The following FGF11 variants were observed in gnomAD, a reference collection of about 807,000 sequenced individuals.
FGF11 encodes fibroblast growth factor 11, also known as fibroblast growth factor homologous factor 3.
In FGF11, 25 loss-of-function variants were observed where a neutral mutation model predicts 25.1. The observed-to-expected ratio is 1.00, with a 90% CI of 0.73 to 1.39. The LOEUF (loss-of-function observed/expected upper bound fraction) is 1.39. Ranked by LOEUF, FGF11 falls within the 40% of genes most tolerant of loss-of-function variation. The pLI is 0.00. For synonymous variants in FGF11, 130 were observed against 128.9 expected (o/e 1.01, Z -0.06); for missense variants, 320 against 311.0 (o/e 1.03, Z -0.22).
chr17:7,442,742 G>A lies in FGF11; in HGVS notation c.557G>A (p.Arg186Gln), dbSNP rs370094891. 45 of 1,613,906 alleles carry A rather than the reference G, an allele frequency of 2.8e-5. No homozygotes were observed. Among genetic ancestry groups the A allele is most frequent in the Admixed American group, 1.0e-4 (6 of 59,998 alleles). Residue 186 changes from arginine (R) to glutamine (Q), a missense_variant, in exon 4 of 5, where the codon CGA (arginine) becomes CAA (glutamine). Arg to Gln is a conservative substitution (Grantham distance 43). Transcript: ENST00000293829. Reference sequence around the variant, plus strand: ...GAGGGCCAGGTCATGAAGGGAAACCGAGTTAAGAAGACCAAGGCAGCTGCC... The same window carrying A: ...GAGGGCCAGGTCATGAAGGGAAACCAAGTTAAGAAGACCAAGGCAGCTGCC... ...DKEGQVMKGNRVKKTKAAAHF... is the reference protein window; with the variant it reads ...DKEGQVMKGNQVKKTKAAAHF...
At position 7,439,819 on chromosome 17, in the gene FGF11, T is replaced by G; in HGVS notation, c.193+6T>G. On this transcript the variant is annotated splice_donor_region_variant and intron_variant, in intron 1 of 4. Transcript: ENST00000293829. ...GCGGCCGGACCGCGGCCCGGGTGAG[T>G]GCGGCTGGGGCGGGGTCTCCCGGCC... 1 of 1,418,542 alleles carries G rather than the reference T, an allele frequency of 7.0e-7. No individual in the cohort carries two copies. The allele number at this position is 1,418,542 out of a possible 1,614,324, so 87.9% of individuals were successfully genotyped here. A position where few individuals can be genotyped will look rare whatever the true frequency, so the allele number is the denominator to read the frequency against.
In FGF11 at chr17:7,444,744, C is replaced by T; in HGVS notation, c.*1598C>T. ...TTGGATAGGGTAGGCTGAGGGGGCC[C>T]TAAGGGAGGGACTAAGGCTCCAAGG... On this transcript the variant is annotated 3_prime_UTR_variant, in exon 5 of 5. Coordinates refer to ENST00000293829, the MANE Select transcript of FGF11 (RefSeq NM_004112.4). 3.2e-6 allele frequency: 1 copy of T among 314,030 alleles called. No homozygotes were observed. The highest frequency in any genetic ancestry group is 6.1e-6 in the Non-Finnish European group (1 of 164,758). 19.5% of individuals were successfully genotyped at this position (314,030 alleles called of 1,614,324 possible). A position where few individuals can be genotyped will look rare whatever the true frequency, so the allele number is the denominator to read the frequency against.
chr17:7,439,066 G>C (rs1004001172), upstream of FGF11: 1 of 152,132 alleles, frequency 6.6e-6, no homozygotes, highest in Non-Finnish European at 1.5e-5. Context: ...AAAAAAGTGG[G>C]GGATCCCCTC....
rs763304002 is a variant in FGF11 at position 7,442,625 on chromosome 17, A to C, written c.440A>C (p.Glu147Ala). The C allele has an allele frequency of 1.9e-6, 3 of 1,613,834 alleles. No homozygotes were observed. The highest frequency in any genetic ancestry group is 2.5e-6 in the Non-Finnish European group (3 of 1,180,008). Residue 147 changes from glutamate (E) to alanine (A), a missense_variant, in exon 4 of 5, where the codon GAG becomes GCG. Physicochemically the swap from Glu to Ala is moderately radical, Grantham distance 107. Transcript: ENST00000293829. Reference sequence around the variant, plus strand: ...TTCACAGCTGAGTGTCGCTTTAAGGAGTGTGTCTTTGAGAATTACTACGTC... The same window carrying C: ...TTCACAGCTGAGTGTCGCTTTAAGGCGTGTGTCTTTGAGAATTACTACGTC... ...PHFTAECRFK[E>A]CVFENYYVLY...
At chr17:7,439,873 C>T in intron 1 of FGF11, 60 bp downstream of exon 1, 2 of 1,326,906 alleles carry the variant, frequency 1.5e-6, no homozygotes, top group Non-Finnish European at 9.7e-7. Flanking sequence ...GAGATTGAGG[C>T]CAGGGACTCT....
rs1908381464 is a variant in FGF11 at position 7,442,627 on chromosome 17, T to A, written c.442T>A (p.Cys148Ser). 6.2e-7 allele frequency: 1 copy of A among 1,613,886 alleles called. No individual in the cohort carries two copies. The highest frequency in any genetic ancestry group is 1.1e-5 in the South Asian group (1 of 91,076). ...HFTAECRFKE[C>S]VFENYYVLYA... ...CACAGCTGAGTGTCGCTTTAAGGAG[T>A]GTGTCTTTGAGAATTACTACGTCCT... The change falls in exon 4 of 5, where the codon TGT (cysteine) becomes AGT (serine). Residue 148 changes from cysteine to serine, a missense_variant. Cys to Ser is a moderately radical substitution (Grantham distance 112). Coordinates refer to ENST00000293829, the MANE Select transcript of FGF11 (RefSeq NM_004112.4).
rs145080386 is a variant in FGF11 at position 7,443,160 on chromosome 17, G to A, written c.*14G>A. ...CCTGCCCCCTGAAATGTAGTCCCTG[G>A]ACTGGAGGTTCCCTGCACTCCCAGT... On this transcript the variant is annotated 3_prime_UTR_variant, in exon 5 of 5. Coordinates refer to ENST00000293829, the MANE Select transcript of FGF11 (RefSeq NM_004112.4). 2.4e-4 allele frequency: 377 copies of A among 1,551,452 alleles called. 1 individual carries two copies. Among genetic ancestry groups the A allele is most frequent in the Middle Eastern group, 2.4e-3 (14 of 5,868 alleles).
chr17:7,443,938 A>C lies in FGF11; in HGVS notation c.*792A>C, dbSNP rs1016242791. The C allele has an allele frequency of 5.9e-5, 9 of 152,128 alleles. No homozygotes were observed. Among genetic ancestry groups the C allele is most frequent in the African/African-American group, 2.2e-4 (9 of 41,436 alleles). The allele number at this position is 152,128 out of a possible 1,614,324, so 9.4% of individuals were successfully genotyped here. ...ATCATGACTCTCAGCCCTTTTACCCAGGATGGAGCTGGGGCCTGTATAGCC... is the reference window on the plus strand; with the variant it reads ...ATCATGACTCTCAGCCCTTTTACCCCGGATGGAGCTGGGGCCTGTATAGCC... On this transcript the variant is annotated 3_prime_UTR_variant, in exon 5 of 5. Transcript: ENST00000293829.
Position 7,440,915 on chromosome 17 carries a change from G to C in FGF11, c.194-556G>C. The C allele has an allele frequency of 1.0e-6, 1 of 990,446 alleles. No homozygotes were observed. Among genetic ancestry groups the C allele is most frequent in the Non-Finnish European group, 1.2e-6 (1 of 832,788 alleles). The allele number at this position is 990,446 out of a possible 1,614,324, so 61.4% of individuals were successfully genotyped here. ...CCGGGAGCCAGCGGACTGACAGACAGACAGACAGACAGACAGATGGGTCAG... is the reference window on the plus strand; with the variant it reads ...CCGGGAGCCAGCGGACTGACAGACACACAGACAGACAGACAGATGGGTCAG... On this transcript the variant is annotated intron_variant, in intron 1 of 4. Transcript: ENST00000293829. This position sits in a 1 kb window ranked among gnomAD's most constrained non-coding sequence, Gnocchi z 5.4.
At position 7,441,915 on chromosome 17, in the gene FGF11, G is replaced by A. The variant is rs1908348670; in HGVS notation, c.408+36G>A. ...GAGGCTGAGTGGCCGGGAAATACTG[G>A]GGACTCCCCTTCCTCAATTTGTCCC... On this transcript the variant is annotated intron_variant, in intron 3 of 4. Transcript: ENST00000293829. The A allele has an allele frequency of 2.8e-6, 4 of 1,449,412 alleles. No individual in the cohort carries two copies. The African/African-American group carries it at 4.3e-5, about 15-fold the overall frequency. 89.8% of individuals were successfully genotyped at this position (1,449,412 alleles called of 1,614,324 possible). A position where few individuals can be genotyped will look rare whatever the true frequency, so the allele number is the denominator to read the frequency against.
In FGF11 at chr17:7,441,902, C is replaced by T. The variant is rs755663978; in HGVS notation, c.408+23C>T. On this transcript the variant is annotated intron_variant, in intron 3 of 4. Coordinates refer to ENST00000293829, the MANE Select transcript of FGF11 (RefSeq NM_004112.4). ...TCGGTGAGACAATGAGGCTGAGTGG[C>T]CGGGAAATACTGGGGACTCCCCTTC... is the stretch of plus-strand genomic sequence containing the variant. 3 of 1,511,858 alleles carry T rather than the reference C, an allele frequency of 2.0e-6. No individual in the cohort carries two copies. In the East Asian group the frequency reaches 6.8e-5, roughly 34 times the overall value. The allele number at this position is 1,511,858 out of a possible 1,614,324, so 93.7% of individuals were successfully genotyped here. A position where few individuals can be genotyped will look rare whatever the true frequency, so the allele number is the denominator to read the frequency against.
chr17:7,442,800 T>C lies in FGF11; in HGVS notation c.607+8T>C, dbSNP rs1908396203. On this transcript the variant is annotated splice_region_variant and intron_variant, in intron 4 of 4. Coordinates refer to ENST00000293829, the MANE Select transcript of FGF11 (RefSeq NM_004112.4). ...TGCCCAAGCTCCTGGAGGGTGGGTA[T>C]AGACTCAAGAAAATGTGGGCCACAG... 6.2e-7 allele frequency: 1 copy of C among 1,613,638 alleles called. No individual in the cohort carries two copies. Among genetic ancestry groups the C allele is most frequent in the African/African-American group, 1.3e-5 (1 of 74,988 alleles).
At chr17:7,441,017 G>C (rs1357727689) in intron 1 of FGF11, 2 of 926,544 alleles carry the variant, frequency 2.2e-6, no homozygotes, top group African/African-American at 3.5e-5. Context: ...CTGAGTCAGC[G>C]TCAGGCCCAG....
chr17:7,440,499 G>C lies in FGF11; in HGVS notation c.193+686G>C, dbSNP rs572321173. Reference sequence around the variant, plus strand: ...TGGCAGGAACTCAGACACAGTTCACGGCTAGAGATGGGCGCCGACTCGGGG... The same window carrying C: ...TGGCAGGAACTCAGACACAGTTCACCGCTAGAGATGGGCGCCGACTCGGGG... On this transcript the variant is annotated intron_variant, in intron 1 of 4. Transcript: ENST00000293829. This position sits in a 1 kb window ranked among gnomAD's most constrained non-coding sequence, Gnocchi z 5.4. 22 of 219,088 alleles carry C rather than the reference G, an allele frequency of 1.0e-4. No individual in the cohort carries two copies. The South Asian group carries it at 2.3e-3, about 23-fold the overall frequency. 13.6% of individuals were successfully genotyped at this position (219,088 alleles called of 1,614,324 possible).
At chr17:7,442,974 G>T in intron 4 of FGF11, 102 bp from the exon 5 acceptor site, 2 of 1,179,404 alleles carry the variant, frequency 1.7e-6, no homozygotes, top group South Asian at 1.3e-5. Context: ...GGTTCTTGGA[G>T]GGTGAATGTA....
rs558351801 is a variant in FGF11 at position 7,444,117 on chromosome 17, A to G, written c.*971A>G. The G allele has an allele frequency of 6.6e-6, 1 of 152,354 alleles. No homozygotes were observed. The highest frequency in any genetic ancestry group is 1.5e-5 in the Non-Finnish European group (1 of 68,030). The allele number at this position is 152,354 out of a possible 1,614,324, so 9.4% of individuals were successfully genotyped here. A position where few individuals can be genotyped will look rare whatever the true frequency, so the allele number is the denominator to read the frequency against. On this transcript the variant is annotated 3_prime_UTR_variant, in exon 5 of 5. Transcript: ENST00000293829. ...TCTTGTTTTTCCTAGATAATTCTCTAAAAATATGATTCTTCCATATAGAAT... is the reference window on the plus strand; with the variant it reads ...TCTTGTTTTTCCTAGATAATTCTCTGAAAATATGATTCTTCCATATAGAAT...
rs1241054807 is a variant in FGF11, at chr17:7,444,171, A to C, written c.*1025A>C. The C allele has an allele frequency of 9.2e-5, 14 of 152,514 alleles. No individual in the cohort carries two copies. Among genetic ancestry groups the C allele is most frequent in the Admixed American group, 8.5e-4 (13 of 15,278 alleles). 9.4% of individuals were successfully genotyped at this position (152,514 alleles called of 1,614,324 possible). On this transcript the variant is annotated 3_prime_UTR_variant, in exon 5 of 5. Coordinates refer to ENST00000293829, the MANE Select transcript of FGF11 (RefSeq NM_004112.4). ...AAGCTTATTTTTACATGCAGTTTCT[A>C]GCTCCTTCAACCCAGCTGAGGTCGT...
rs1433612203 is a variant in FGF11, at chr17:7,442,588, C to A, written c.409-6C>A. 5 of 1,614,032 alleles carry A rather than the reference C, an allele frequency of 3.1e-6. No individual in the cohort carries two copies. The highest frequency in any genetic ancestry group is 4.2e-6 in the Non-Finnish European group (5 of 1,180,038). Reference sequence around the variant, plus strand: ...TGTGCGCCTTTCTGGGTCTTTGTCTCCTTAGCCGCATTTCACAGCTGAGTG... The same window carrying A: ...TGTGCGCCTTTCTGGGTCTTTGTCTACTTAGCCGCATTTCACAGCTGAGTG... On this transcript the variant is annotated splice_region_variant and splice_polypyrimidine_tract_variant and intron_variant, in intron 3 of 4. Coordinates refer to ENST00000293829, the MANE Select transcript of FGF11 (RefSeq NM_004112.4).
At chr17:7,442,189 T>C in intron 3 of FGF11, 1 of 363,312 alleles carries the variant, frequency 2.8e-6, no homozygotes, top group Non-Finnish European at 5.0e-6. Context: ...CCTAGAGTCA[T>C]CCAGGATAGG....
Sources: gnomAD v4.1 joint callset for allele counts on GRCh38, gnomAD v4.1.1 for gene constraint, Gnocchi (gnomAD v3.1) non-coding constraint, MANE v1.5 for transcripts, NCBI Gene and HGNC (gene_info 2026-07-23, HGNC 2026-07-21) for gene names.